Variants in NCOR2 observed in about 807,000 individuals in gnomAD.
NCOR2 encodes the protein nuclear receptor corepressor 2.
A neutral mutation model predicts 262.9 loss-of-function variants in NCOR2; 81 were observed. The ratio of observed to expected loss-of-function variants is 0.31; its 90% CI spans 0.26 to 0.37. The LOEUF is 0.37. Ranked by LOEUF, NCOR2 falls within the 10% of genes least tolerant of loss-of-function variation. The pLI is 1.00. For missense variants in NCOR2, 3,385 were observed against 3,621.4 expected, an observed-to-expected ratio of 0.93 and a Z score of 1.68; for synonymous variants, 1,659 against 1,559.3, an observed-to-expected ratio of 1.06 and a Z score of -1.51.
intron 13 of NCOR2, among the ~76,000 whole-genome samples, chr12:124,404,228 T>C (rs1467786174): frequency 6.6e-6 from 1 of 152,188 alleles, no homozygotes; most frequent in Non-Finnish European, 1.5e-5. Flanking sequence ...GTGATGTGGC[T>C]GGCTGGGGAG....
intron 1 of NCOR2, among the ~76,000 whole-genome samples, chr12:124,493,071 C>T (rs763391050): frequency 3.3e-5 from 5 of 152,218 alleles, no homozygotes; most frequent in Admixed American, 2.6e-4. Context: ...CTGGAGGGGG[C>T]GGTGAGCGCT....
intron 20 of NCOR2, among the ~76,000 whole-genome samples, chr12:124,365,579 C>A (rs956292618): frequency 6.6e-6 from 1 of 152,228 alleles, no homozygotes; most frequent in Non-Finnish European, 1.5e-5. Flanking sequence ...ATCTGCCACA[C>A]GCTCAGCTGA....
chr12:124,487,524 G>A (rs2047833274), intron 1 of NCOR2, among the ~76,000 whole-genome samples: 1 of 152,232 alleles, frequency 6.6e-6, no homozygotes, highest in Non-Finnish European at 1.5e-5. Context: ...GCGGGGCTCT[G>A]CCCAGCTGCA....
At chr12:124,461,410 G>T (rs1362647237) in intron 5 of NCOR2, among the ~76,000 whole-genome samples, 1 of 152,222 alleles carries the variant, frequency 6.6e-6, no homozygotes, top group African/African-American at 2.4e-5. Context: ...ATCCGGGCAC[G>T]TTCTCATTCG....
intron 3 of NCOR2, among the ~76,000 whole-genome samples, chr12:124,478,487 G>T (rs1374738408): frequency 1.3e-5 from 2 of 152,188 alleles, no homozygotes. Context: ...GTGGGGCAGA[G>T]GGGGCACACA....
chr12:124,439,637 G>A (rs963016867), intron 7 of NCOR2, among the ~76,000 whole-genome samples: 2 of 152,104 alleles, frequency 1.3e-5, no homozygotes. Context: ...GACGGAGATA[G>A]ATAGACAGAT....
intron 1 of NCOR2, among the ~76,000 whole-genome samples, chr12:124,486,793 C>T (rs1195260751): frequency 6.6e-6 from 1 of 152,200 alleles, no homozygotes. Flanking sequence ...CCCTGGGCTG[C>T]ATCCTTCCCA....
chr12:124,463,782 C>T (rs568732399), intron 5 of NCOR2, among the ~76,000 whole-genome samples: 1 of 152,372 alleles, frequency 6.6e-6, no homozygotes, highest in East Asian at 1.9e-4. Flanking sequence ...CATTAGGCTG[C>T]AGGCTTTGGA....
intron 1 of NCOR2, among the ~76,000 whole-genome samples, chr12:124,551,653 T>C (rs1004176148): frequency 3.3e-5 from 5 of 152,164 alleles, no homozygotes; most frequent in African/African-American, 9.7e-5. Context: ...AAGCCAGTGG[T>C]CCTCCTCGGG....
Position 124,325,588 on chromosome 12 carries a change from G to T in NCOR2, c.7364-5C>A. ...TGTAGGGGAATGGCGTGGAACCTGC[G>T]GGAAGAAGCGAAAGATGCCCAGGAG... On this transcript the variant is annotated splice_region_variant and splice_polypyrimidine_tract_variant and intron_variant, in intron 46 of 46. Coordinates refer to ENST00000405201, the Ensembl canonical transcript of NCOR2. 7.9e-7 allele frequency: 1 copy of T among 1,273,704 alleles called. No individual in the cohort carries two copies. The highest frequency in any genetic ancestry group is 1.0e-6 in the Non-Finnish European group (1 of 1,000,462). The allele number at this position is 1,273,704 out of a possible 1,614,324, so 78.9% of individuals were successfully genotyped here. A position where few individuals can be genotyped will look rare whatever the true frequency, so the allele number is the denominator to read the frequency against.
Position 124,326,378 on chromosome 12 carries a change from G to A in NCOR2, c.7184-8C>T. 1.3e-6 allele frequency: 2 copies of A among 1,484,894 alleles called. No homozygotes were observed. The highest frequency in any genetic ancestry group is 1.4e-5 in the African/African-American group (1 of 69,588). 92.0% of individuals were successfully genotyped at this position (1,484,894 alleles called of 1,614,324 possible). On this transcript the variant is annotated splice_region_variant and splice_polypyrimidine_tract_variant and intron_variant, in intron 45 of 46. Transcript: ENST00000405201. ...TGGCCTTCCCGCCGCCACCTGCAGG[G>A]GGACAAGATGGGAAGGGGCTGCGTT...
At chr12:124,361,438 TG>T (rs560205241) in intron 22 of NCOR2, among the ~76,000 whole-genome samples, 89 of 152,318 alleles carry the variant, frequency 5.8e-4, no homozygotes, top group African/African-American at 2.1e-3. Context: ...TAGTGGGAAG[TG>T]GGGCAGAGAT....
intron 22 of NCOR2, among the ~76,000 whole-genome samples, chr12:124,359,100 C>T (rs868406938): frequency 1.9e-4 from 29 of 152,326 alleles, no homozygotes; most frequent in South Asian, 6.2e-4. Flanking sequence ...AGCGGGGCCC[C>T]GGGGCTCAGG....
intron 1 of NCOR2, among the ~76,000 whole-genome samples, chr12:124,519,189 CTG>C (rs2050035759): frequency 6.6e-6 from 1 of 151,296 alleles, no homozygotes; most frequent in Non-Finnish European, 1.5e-5. Context: ...CTGCAATTAG[CTG>C]TGTGACTCAG....
chr12:124,333,890 G>GTC (rs1555299246), intron 41 of NCOR2, among the ~76,000 whole-genome samples: 2 of 143,352 alleles, frequency 1.4e-5, no homozygotes, highest in African/African-American at 2.9e-5. Context: ...GTGTGCATGT[G>GTC]TGTGTGCGCG....
chr12:124,491,202 A>G (rs80132760), intron 1 of NCOR2, among the ~76,000 whole-genome samples: 8,224 of 152,370 alleles, frequency 0.054, 271 homozygotes, highest in Middle Eastern at 0.13. Flanking sequence ...GGCAAAGCCC[A>G]AAGTGTACCC....
chr12:124,436,660 G>A (rs996898620), intron 8 of NCOR2, among the ~76,000 whole-genome samples: 6 of 152,210 alleles, frequency 3.9e-5, no homozygotes, highest in African/African-American at 7.2e-5. Context: ...TTCACAGGAC[G>A]CAGGCCCTCT....
chr12:124,362,042 A>C lies in NCOR2; in HGVS notation c.3100+84T>G, dbSNP rs550506321. On this transcript the variant is annotated intron_variant, in intron 22 of 46. Transcript: ENST00000405201. ...CTGCCACTGTGGCCATGGGGTTTGCAGCAGCTGCTCTAGACACACAAACAT... is the reference window on the plus strand; with the variant it reads ...CTGCCACTGTGGCCATGGGGTTTGCCGCAGCTGCTCTAGACACACAAACAT... The C allele has an allele frequency of 3.4e-6, 4 of 1,175,236 alleles. No individual in the cohort carries two copies. In the African/African-American group the frequency reaches 4.7e-5, roughly 14 times the overall value. 72.8% of individuals were successfully genotyped at this position (1,175,236 alleles called of 1,614,324 possible). A position where few individuals can be genotyped will look rare whatever the true frequency, so the allele number is the denominator to read the frequency against.
At chr12:124,353,521 AGT>A (rs141892280) in intron 27 of NCOR2, among the ~76,000 whole-genome samples, 1 of 152,346 alleles carries the variant, frequency 6.6e-6, no homozygotes, top group African/African-American at 2.4e-5. Context: ...CACGTGTGCA[AGT>A]GTGTGGACCC....
Sources: allele counts gnomAD v4.1 joint callset (sites outside exome capture counted in the v4.1 genomes callset), GRCh38; gene constraint gnomAD v4.1.1; transcripts MANE v1.5; gene names NCBI Gene and HGNC (gene_info 2026-07-23, HGNC 2026-07-21).